CFTR: variants seen among roughly 807,000 people sequenced by gnomAD.
CFTR encodes CF transmembrane conductance regulator.
A neutral mutation model predicts 171.6 loss-of-function variants in CFTR; 181 were observed. That is an observed-to-expected ratio of 1.05 (90% CI 0.93 to 1.19). The LOEUF (loss-of-function observed/expected upper bound fraction) is 1.19. Ranked by LOEUF, CFTR falls within the 50% of genes most tolerant of loss-of-function variation. The pLI is 0.00. For missense variants in CFTR, 1,968 were observed against 1,734.7 expected (o/e 1.13, Z -2.39); for synonymous variants, 583 against 608.0 (o/e 0.96, Z 0.60).
chr7:117,589,626 T>C (rs1388961488), intron 12 of CFTR, among the ~76,000 whole-genome samples: 1 of 152,008 alleles, frequency 6.6e-6, no homozygotes, highest in Non-Finnish European at 1.5e-5. Context: ...TTTAGCTAAA[T>C]AGTAAAATAA....
rs201524392 is a variant in CFTR at position 117,540,377 on chromosome 7, A to G, written c.1116+31A>G. The G allele has an allele frequency of 5.7e-6, 9 of 1,586,738 alleles. No homozygotes were observed. The highest frequency in any genetic ancestry group is 5.1e-5 in the Admixed American group (3 of 58,948). On this transcript the variant is annotated intron_variant, in intron 8 of 26. Coordinates refer to ENST00000003084, the MANE Select transcript of CFTR (RefSeq NM_000492.4). Reference sequence around the variant, plus strand: ...GTACCATAATGCTGCATTATATACTATGATTTAAATAATCAGTCAATAGAT... The same window carrying G: ...GTACCATAATGCTGCATTATATACTGTGATTTAAATAATCAGTCAATAGAT...
In CFTR at chr7:117,498,681, A is replaced by G. The variant is rs1798275559; in HGVS notation, c.54-5572A>G. Among the ~76,000 whole-genome samples, 5 of 152,314 alleles carry G rather than the reference A, an allele frequency of 3.3e-5. 1 individual carries two copies. In the South Asian group the frequency reaches 1.0e-3, roughly 32 times the overall value. On this transcript the variant is annotated intron_variant, in intron 1 of 26. Transcript: ENST00000003084. Reference sequence around the variant, plus strand: ...GACACTAGATGAGTTTTAGTCTCAAATCAATCCTCCCTATCATAGTCACTT... The same window carrying G: ...GACACTAGATGAGTTTTAGTCTCAAGTCAATCCTCCCTATCATAGTCACTT...
intron 11 of CFTR, among the ~76,000 whole-genome samples, chr7:117,578,989 C>T (rs908811620): frequency 3.3e-5 from 5 of 151,744 alleles, no homozygotes; most frequent in African/African-American, 1.2e-4. Context: ...ATATGTCTGA[C>T]TAAACATGTT....
intron 22 of CFTR, among the ~76,000 whole-genome samples, chr7:117,631,302 C>A (rs573378624): frequency 1.3e-5 from 2 of 152,136 alleles, no homozygotes; most frequent in Non-Finnish European, 1.5e-5. Flanking sequence ...TGTTTCCCCC[C>A]CTAGTTCCTG....
At chr7:117,655,449 T>C (rs1454919930) in intron 24 of CFTR, among the ~76,000 whole-genome samples, 4 of 152,204 alleles carry the variant, frequency 2.6e-5, no homozygotes, top group East Asian at 1.9e-4. Context: ...ACCCATCAGA[T>C]TGGCCTTTAC....
chr7:117,570,115 G>A (rs908832971), intron 11 of CFTR, among the ~76,000 whole-genome samples: 2 of 151,068 alleles, frequency 1.3e-5, no homozygotes, highest in African/African-American at 4.9e-5. Flanking sequence ...CTTGGTTTAC[G>A]GTTCCAGTAT....
At chr7:117,612,023 G>GTATATATATATATGTA (rs1792402129) in intron 20 of CFTR, among the ~76,000 whole-genome samples, 1 of 53,242 alleles carries the variant, frequency 1.9e-5, no homozygotes, top group African/African-American at 1.1e-4. Flanking sequence ...ATATATATAT[G>GTATATATATATATGTA]TATATATATA....
intron 15 of CFTR, among the ~76,000 whole-genome samples, chr7:117,597,069 C>G (rs1269228671): frequency 6.6e-6 from 1 of 152,144 alleles, no homozygotes; most frequent in African/African-American, 2.4e-5. Flanking sequence ...AAGCAGGCTG[C>G]CTGAGCCAGA....
At chr7:117,551,154 T>C (rs987423839) in intron 10 of CFTR, among the ~76,000 whole-genome samples, 1 of 152,136 alleles carries the variant, frequency 6.6e-6, no homozygotes, top group Non-Finnish European at 1.5e-5. Context: ...GAGCCAAAAA[T>C]TGGGTGGGGG....
chr7:117,548,954 G>T, intron 10 of CFTR, 131 bp downstream of exon 10: 1 of 1,305,606 alleles, frequency 7.7e-7, no homozygotes, highest in Non-Finnish European at 1.1e-6. Flanking sequence ...TATGGGTGTA[G>T]TGTCTTGTAT....
chr7:117,614,168 T>G (rs1214327759), intron 20 of CFTR, among the ~76,000 whole-genome samples: 1 of 151,988 alleles, frequency 6.6e-6, no homozygotes, highest in African/African-American at 2.4e-5. Context: ...CACCTAAACA[T>G]CTTGCAGATG....
intron 13 of CFTR, among the ~76,000 whole-genome samples, chr7:117,590,650 G>A (rs1000969161): frequency 6.6e-6 from 1 of 152,022 alleles, no homozygotes; most frequent in Admixed American, 6.5e-5. Flanking sequence ...ACCGCCTCAT[G>A]CTAAACCAGT....
Position 117,642,558 on chromosome 7 carries a change from C to A in CFTR, c.3838C>A (p.Gln1280Lys). The change falls in exon 23 of 27, where the codon CAA (glutamine) becomes AAA (lysine). Residue 1280 changes from glutamine to lysine, a missense_variant. Physicochemically the swap from Gln to Lys is moderately conservative, Grantham distance 53. Transcript: ENST00000003084. ...DGVSWDSITL[Q>K]QWRKAFGVIP... is the part of the protein sequence containing the mutation. ...TGTGTCTTGGGATTCAATAACTTTG[C>A]AACAGTGGAGGAAAGCCTTTGGAGT... 1 of 1,613,410 alleles carries A rather than the reference C, an allele frequency of 6.2e-7. No homozygotes were observed. Among genetic ancestry groups the A allele is most frequent in the South Asian group, 1.1e-5 (1 of 91,064 alleles).
rs1434378124 is a variant in CFTR, at chr7:117,530,905, A to G, written c.280A>G (p.Thr94Ala). The stretch of plus-strand genomic sequence containing the variant: ...TGTTTTTCCCCTTTTGTAGGAAGTC[A>G]CCAAAGCAGTACAGCCTCTCTTACT... The part of the protein sequence containing the change: ...YGIFLYLGEV[T>A]KAVQPLLLGR... Residue 94 changes from threonine (T) to alanine (A), a missense_variant, in exon 4 of 27, where the codon ACC (threonine) becomes GCC (alanine). Coordinates refer to ENST00000003084, the MANE Select transcript of CFTR (RefSeq NM_000492.4). 32 of 1,609,538 alleles carry G rather than the reference A, an allele frequency of 2.0e-5. No homozygotes were observed. Among genetic ancestry groups the G allele is most frequent in the Non-Finnish European group, 2.7e-5 (32 of 1,176,380 alleles).
chr7:117,560,033 A>G (rs1224957642), intron 11 of CFTR, among the ~76,000 whole-genome samples: 1 of 152,000 alleles, frequency 6.6e-6, no homozygotes, highest in African/African-American at 2.4e-5. Context: ...TTAAAAATAT[A>G]CTCCAAAAAT....
chr7:117,539,005 A>G (rs540046342), intron 7 of CFTR, among the ~76,000 whole-genome samples: 32 of 152,220 alleles, frequency 2.1e-4, no homozygotes, highest in Non-Finnish European at 3.8e-4. Context: ...TTTCTGAATT[A>G]TACAAGGAAG....
intron 11 of CFTR, among the ~76,000 whole-genome samples, chr7:117,586,990 A>C (rs1304633045): frequency 6.6e-6 from 1 of 152,234 alleles, no homozygotes; most frequent in Non-Finnish European, 1.5e-5. Context: ...AGCTTTCTCC[A>C]GGATTATGAC....
chr7:117,602,715 C>T (rs1339431110), intron 15 of CFTR, 111 bp from the exon 16 acceptor site: 1 of 902,388 alleles, frequency 1.1e-6, no homozygotes, highest in Non-Finnish European at 1.9e-6. Flanking sequence ...ATTGTGTGTA[C>T]CTTGATATTG....
At chr7:117,616,104 A>G (rs1320022142) in intron 21 of CFTR, 1 of 152,134 alleles carries the variant, frequency 6.6e-6, no homozygotes, top group Non-Finnish European at 1.5e-5. Flanking sequence ...ATCTCCAGGA[A>G]AAAGAAAACC....
Sources: allele counts gnomAD v4.1 joint callset (sites outside exome capture counted in the v4.1 genomes callset), GRCh38; gene constraint gnomAD v4.1.1; transcripts MANE v1.5; gene names NCBI Gene and HGNC (gene_info 2026-07-23, HGNC 2026-07-21).